RAVER2: variants seen among roughly 807,000 people sequenced by gnomAD.
The protein encoded by RAVER2 is ribonucleoprotein PTB-binding 2.
In RAVER2, 46 loss-of-function variants were observed where a neutral mutation model predicts 78.1. The observed-to-expected ratio is 0.59, with a 90% CI of 0.46 to 0.75. The LOEUF (loss-of-function observed/expected upper bound fraction) is 0.75, where lower values mean the gene tolerates loss of function less well. RAVER2 is among the 30% of genes least tolerant of loss of function. RAVER2 has a pLI of 0.00. For synonymous variants in RAVER2, 311 were observed against 313.3 expected (o/e 0.99, Z 0.08); for missense variants, 793 against 837.5 (o/e 0.95, Z 0.66).
chr1:64,751,790 TA>T (rs1335206120), intron 1 of RAVER2, among the ~76,000 whole-genome samples: 1 of 151,942 alleles, frequency 6.6e-6, no homozygotes, highest in African/African-American at 2.4e-5. Flanking sequence ...TTAATTTTTT[TA>T]AAAAAAGCTT....
At chr1:64,759,642 G>T (rs552277969) in intron 1 of RAVER2, among the ~76,000 whole-genome samples, 2 of 150,710 alleles carry the variant, frequency 1.3e-5, no homozygotes, top group Non-Finnish European at 1.5e-5. Flanking sequence ...TCAGCCTCCC[G>T]AGTAGCTGGG....
intron 1 of RAVER2, among the ~76,000 whole-genome samples, chr1:64,766,986 C>A (rs1652191021): frequency 6.6e-6 from 1 of 152,022 alleles, no homozygotes; most frequent in South Asian, 2.1e-4. Flanking sequence ...GAGCATAGTA[C>A]CATATGATTC....
chr1:64,798,958 A>G (rs533549702), intron 5 of RAVER2, among the ~76,000 whole-genome samples: 3 of 152,218 alleles, frequency 2.0e-5, no homozygotes, highest in Non-Finnish European at 2.9e-5. Flanking sequence ...CCTCTCTTCT[A>G]GCTATTTCAA....
chr1:64,826,216 A>G (rs1366222390), intron 11 of RAVER2, among the ~76,000 whole-genome samples: 1 of 152,270 alleles, frequency 6.6e-6, no homozygotes, highest in Non-Finnish European at 1.5e-5. Flanking sequence ...TGAACAAAAC[A>G]TCAAAATCCT....
intron 1 of RAVER2, among the ~76,000 whole-genome samples, chr1:64,749,250 G>A (rs1201510821): frequency 4.6e-5 from 7 of 152,134 alleles, no homozygotes; most frequent in East Asian, 3.9e-4. Context: ...TCACTCTGTC[G>A]CCCAGGCTGC....
chr1:64,789,477 T>A, exon 5 of RAVER2: 1 of 1,609,608 alleles, frequency 6.2e-7, no homozygotes, highest in South Asian at 1.1e-5. Context: ...TGCAAGTTCT[T>A]CTACAGCCCC....
exon 9 of RAVER2, chr1:64,807,474 G>A (rs753647676): frequency 6.2e-7 from 1 of 1,612,184 alleles, no homozygotes; most frequent in Non-Finnish European, 8.5e-7. Flanking sequence ...TAAGTTCAGG[G>A]GTAAGAAAAC....
intron 5 of RAVER2, among the ~76,000 whole-genome samples, chr1:64,789,798 G>A (rs1427210661): frequency 6.6e-6 from 1 of 152,020 alleles, no homozygotes; most frequent in Non-Finnish European, 1.5e-5. Flanking sequence ...TGAATTTATA[G>A]ACCAAGGTAA....
rs35443570 is a variant in RAVER2, at chr1:64,761,948, C to CAA, written c.250-6695_250-6694dup. Among the ~76,000 whole-genome samples the CAA allele has an allele frequency of 6.7e-3, 931 of 137,970 alleles. 4 individuals carry two copies. The highest frequency in any genetic ancestry group is 0.011 in the African/African-American group (404 of 37,246). The allele number at this position is 137,970 out of a possible 152,430, so 90.5% of individuals were successfully genotyped here. On this transcript the variant is annotated intron_variant, in intron 1 of 11. Coordinates refer to ENST00000294428, the Ensembl canonical transcript of RAVER2. ...AACATAACCAAAACCCTGTCTCTACCAAAAAAAAAAAAAATTAGCTGGGCC... is the reference window on the plus strand; with the variant it reads ...AACATAACCAAAACCCTGTCTCTACCAAAAAAAAAAAAAAAATTAGCTGGGCC...
At chr1:64,826,499 C>T (rs1332586576) in intron 11 of RAVER2, among the ~76,000 whole-genome samples, 9 of 152,164 alleles carry the variant, frequency 5.9e-5, no homozygotes, top group Admixed American at 5.9e-4. Flanking sequence ...GTTAAAGGAA[C>T]AGCAAGCAAC....
chr1:64,797,128 A>G (rs1357089705), intron 5 of RAVER2, among the ~76,000 whole-genome samples: 1 of 152,322 alleles, frequency 6.6e-6, no homozygotes, highest in East Asian at 1.9e-4. Flanking sequence ...GGTTCAGAAT[A>G]CAGGCTATAT....
At chr1:64,794,254 C>T (rs1342084119) in intron 5 of RAVER2, among the ~76,000 whole-genome samples, 7 of 151,876 alleles carry the variant, frequency 4.6e-5, no homozygotes, top group South Asian at 4.2e-4. Flanking sequence ...AAAAATTAGC[C>T]GGGCGTGGTG....
chr1:64,788,806 AAG>A (rs1491541567), intron 4 of RAVER2, among the ~76,000 whole-genome samples: 6 of 150,820 alleles, frequency 4.0e-5, no homozygotes, highest in African/African-American at 1.2e-4. Flanking sequence ...AAAAAAAAAA[AAG>A]AAGATTTTGA....
intron 4 of RAVER2, among the ~76,000 whole-genome samples, chr1:64,782,402 T>C (rs1368982618): frequency 2.0e-5 from 3 of 152,178 alleles, no homozygotes; most frequent in Non-Finnish European, 4.4e-5. Context: ...TATTTGTTAA[T>C]TGAATGAAGG....
Position 64,800,131 on chromosome 1 carries a change from G to GTTT in RAVER2, c.1106-2835_1106-2833dup, listed in dbSNP as rs200005863. 4.2e-3 allele frequency among the ~76,000 whole-genome samples: 572 copies of GTTT among 137,736 alleles called. 6 individuals are homozygous for GTTT. The highest frequency in any genetic ancestry group is 0.014 in the African/African-American group (543 of 38,162). 90.4% of individuals were successfully genotyped at this position (137,736 alleles called of 152,430 possible). On this transcript the variant is annotated intron_variant, in intron 5 of 11. Coordinates refer to ENST00000294428, the Ensembl canonical transcript of RAVER2. ...TATTTGGGGTGTTTTTTTGTTTTTT[G>GTTT]TTTTTTTTTTTTGCTGTTGAATTGC...
At chr1:64,774,082 C>G (rs1375063285) in intron 2 of RAVER2, among the ~76,000 whole-genome samples, 1 of 152,074 alleles carries the variant, frequency 6.6e-6, no homozygotes, top group East Asian at 1.9e-4. Flanking sequence ...TATATTAGCC[C>G]TTTGTCAGAT....
chr1:64,811,588 T>A (rs1332966075), intron 9 of RAVER2, among the ~76,000 whole-genome samples: 1 of 152,262 alleles, frequency 6.6e-6, no homozygotes, highest in Non-Finnish European at 1.5e-5. Context: ...ATGTAATTTA[T>A]GGTATTGATA....
exon 12 of RAVER2, chr1:64,832,255 C>T (rs372006285): frequency 2.0e-5 from 3 of 152,610 alleles, no homozygotes; most frequent in African/African-American, 7.2e-5. Flanking sequence ...TATTTATAAC[C>T]ATTTTGAGCT....
At chr1:64,767,066 A>G (rs771305631) in intron 1 of RAVER2, among the ~76,000 whole-genome samples, 4 of 152,146 alleles carry the variant, frequency 2.6e-5, no homozygotes, top group Admixed American at 6.6e-5. Flanking sequence ...GTTGGTAATA[A>G]AGAATACTAA....
Sources: gnomAD v4.1 joint callset for allele counts (sites outside exome capture counted in the v4.1 genomes callset) on GRCh38, gnomAD v4.1.1 for gene constraint, MANE v1.5 for transcripts, NCBI Gene and HGNC (gene_info 2026-07-23, HGNC 2026-07-21) for gene names.